Variants in NXPH1 observed in about 807,000 individuals in gnomAD.
NXPH1 encodes neurexophilin 1.
A neutral mutation model predicts 23.7 loss-of-function variants in NXPH1; 5 were observed. The ratio of observed to expected loss-of-function variants is 0.21; its 90% CI spans 0.11 to 0.44. NXPH1 has a LOEUF of 0.44. NXPH1 is among the 20% of genes least tolerant of loss of function. NXPH1 has a pLI of 0.99. For missense variants in NXPH1, 324 were observed against 321.6 expected, an observed-to-expected ratio of 1.01 and a Z score of -0.06; for synonymous variants, 144 against 122.2, an observed-to-expected ratio of 1.18 and a Z score of -1.18.
intron 2 of NXPH1, among the ~76,000 whole-genome samples, chr7:8,545,919 A>G (rs1818190925): frequency 6.6e-6 from 1 of 151,508 alleles, no homozygotes; most frequent in African/African-American, 2.4e-5. Flanking sequence ...TTATGTTGAT[A>G]AACAACAAAA....
At chr7:8,648,441 T>C (rs1344390302) in intron 2 of NXPH1, among the ~76,000 whole-genome samples, 1 of 152,218 alleles carries the variant, frequency 6.6e-6, no homozygotes, top group Non-Finnish European at 1.5e-5. Flanking sequence ...CTGGCTTATT[T>C]CAGTGAACAC....
intron 2 of NXPH1, among the ~76,000 whole-genome samples, chr7:8,497,660 CT>C (rs1817360800): frequency 6.6e-6 from 1 of 152,146 alleles, no homozygotes; most frequent in Admixed American, 6.5e-5. Flanking sequence ...TAAATGTCTT[CT>C]TTTGAGAAGT....
intron 2 of NXPH1, among the ~76,000 whole-genome samples, chr7:8,725,905 AG>A (rs2115210801): frequency 6.6e-6 from 1 of 152,268 alleles, no homozygotes; most frequent in East Asian, 1.9e-4. Context: ...AGACACTAGA[AG>A]GGTTTTTGAA....
chr7:8,450,528 A>C (rs1054113379), intron 2 of NXPH1, among the ~76,000 whole-genome samples: 1 of 152,218 alleles, frequency 6.6e-6, no homozygotes, highest in Non-Finnish European at 1.5e-5. Context: ...TGGATCTAGG[A>C]ATTTATCTAT....
At chr7:8,516,351 A>T (rs891392178) in intron 2 of NXPH1, among the ~76,000 whole-genome samples, 1 of 152,146 alleles carries the variant, frequency 6.6e-6, no homozygotes, top group Admixed American at 6.5e-5. Context: ...AGGCAATAGA[A>T]TCATCAATCA....
At chr7:8,702,907 G>A (rs527742106) in intron 2 of NXPH1, among the ~76,000 whole-genome samples, 2 of 152,048 alleles carry the variant, frequency 1.3e-5, no homozygotes, top group South Asian at 2.1e-4. Flanking sequence ...TATTGCCTCT[G>A]GGCTCTAAAA....
chr7:8,612,145 C>T (rs1193949240), intron 2 of NXPH1, among the ~76,000 whole-genome samples: 1 of 151,124 alleles, frequency 6.6e-6, no homozygotes, highest in African/African-American at 2.4e-5. Context: ...TTCCCTTCCC[C>T]TTCTTTCCTT....
intron 2 of NXPH1, among the ~76,000 whole-genome samples, chr7:8,694,020 C>T (rs946002069): frequency 6.6e-6 from 1 of 152,144 alleles, no homozygotes; most frequent in Admixed American, 6.6e-5. Context: ...GTCAGGATGA[C>T]ATTTGTAAAA....
At chr7:8,534,198 C>T (rs186024954) in intron 2 of NXPH1, among the ~76,000 whole-genome samples, 52 of 152,094 alleles carry the variant, frequency 3.4e-4, no homozygotes, top group Non-Finnish European at 8.8e-5. Context: ...AGTTAGAGGT[C>T]GCTCTGAGCA....
intron 2 of NXPH1, among the ~76,000 whole-genome samples, chr7:8,525,471 T>G (rs1817846596): frequency 6.6e-6 from 1 of 152,192 alleles, no homozygotes; most frequent in Admixed American, 6.5e-5. Flanking sequence ...TTTGCCTAAG[T>G]AGCAAGGAGC....
At chr7:8,573,253 T>G (rs1010964393) in intron 2 of NXPH1, among the ~76,000 whole-genome samples, 3 of 152,118 alleles carry the variant, frequency 2.0e-5, no homozygotes, top group African/African-American at 7.2e-5. Flanking sequence ...ATTTTCAATA[T>G]AATTGTCTAA....
chr7:8,501,979 T>A lies in NXPH1; in HGVS notation c.54+66212T>A, dbSNP rs1817444205. On this transcript the variant is annotated intron_variant, in intron 2 of 2. Coordinates refer to ENST00000405863, the MANE Select transcript of NXPH1 (RefSeq NM_152745.3). ...TAGAGAAAAAAATTAATCTGAGATGTCATCTGAGTTTGGAGTGATCTTGTT... is the reference window on the plus strand; with the variant it reads ...TAGAGAAAAAAATTAATCTGAGATGACATCTGAGTTTGGAGTGATCTTGTT... 5.9e-5 allele frequency among the ~76,000 whole-genome samples: 9 copies of A among 152,150 alleles called. No homozygotes were observed. In the South Asian group the frequency reaches 1.9e-3, roughly 32 times the overall value.
intron 2 of NXPH1, among the ~76,000 whole-genome samples, chr7:8,457,457 T>C (rs151219124): frequency 2.4e-4 from 37 of 152,160 alleles, no homozygotes; most frequent in African/African-American, 7.5e-4. Flanking sequence ...CCCACATTCT[T>C]AACATAGTTG....
At chr7:8,473,696 A>C (rs1314324078) in intron 2 of NXPH1, among the ~76,000 whole-genome samples, 1 of 149,932 alleles carries the variant, frequency 6.7e-6, no homozygotes. Flanking sequence ...ATTCTAAGGC[A>C]GTACACAGTG....
At chr7:8,542,232 A>G (rs889068772) in intron 2 of NXPH1, among the ~76,000 whole-genome samples, 5 of 151,548 alleles carry the variant, frequency 3.3e-5, no homozygotes, top group African/African-American at 1.2e-4. Context: ...ATAGTACTGG[A>G]TATAAAGAAG....
chr7:8,457,492 C>G (rs931245019), intron 2 of NXPH1, among the ~76,000 whole-genome samples: 1 of 151,684 alleles, frequency 6.6e-6, no homozygotes, highest in Non-Finnish European at 1.5e-5. Context: ...TAGTCACATA[C>G]ACTTCTTTTT....
chr7:8,642,233 A>G (rs2115144224), intron 2 of NXPH1, among the ~76,000 whole-genome samples: 1 of 152,338 alleles, frequency 6.6e-6, no homozygotes, highest in East Asian at 1.9e-4. Flanking sequence ...GTTGATAGTT[A>G]AACTGAGTAT....
At chr7:8,638,127 G>A (rs545852737) in intron 2 of NXPH1, among the ~76,000 whole-genome samples, 2 of 152,322 alleles carry the variant, frequency 1.3e-5, no homozygotes, top group East Asian at 3.9e-4. Context: ...CTGGAGAGGA[G>A]AATGCTGATC....
chr7:8,682,070 G>A (rs1470116193), intron 2 of NXPH1, among the ~76,000 whole-genome samples: 1 of 152,184 alleles, frequency 6.6e-6, no homozygotes. Context: ...CTGAATGGGT[G>A]CTGGGGTGAG....
Sources: allele counts gnomAD v4.1 joint callset (sites outside exome capture counted in the v4.1 genomes callset), GRCh38; gene constraint gnomAD v4.1.1; transcripts MANE v1.5; gene names NCBI Gene and HGNC (gene_info 2026-07-23, HGNC 2026-07-21).